ARB2A: variants seen among roughly 807,000 people sequenced by gnomAD.
ARB2A encodes the protein cotranscriptional regulator ARB2A.
chr5:93,841,939 T>C, the ARB2A span, among the ~76,000 whole-genome samples: 7 of 152,202 alleles, frequency 4.6e-5, no homozygotes, highest in South Asian at 4.1e-4. Context: ...TTTCCTTCAA[T>C]AGCTTCTGAC....
the ARB2A span, among the ~76,000 whole-genome samples, chr5:93,945,652 A>C: frequency 2.0e-5 from 3 of 152,128 alleles, no homozygotes; most frequent in South Asian, 6.2e-4. Context: ...AAAAATAAGA[A>C]AGAATGGATA....
chr5:93,815,557 T>C, the ARB2A span, among the ~76,000 whole-genome samples: 3 of 152,208 alleles, frequency 2.0e-5, no homozygotes, highest in South Asian at 2.1e-4. Context: ...CCTTGATTTG[T>C]TCACAATCCT....
the ARB2A span, among the ~76,000 whole-genome samples, chr5:94,003,357 AATAAG>A: frequency 6.6e-6 from 1 of 152,216 alleles, no homozygotes; most frequent in African/African-American, 2.4e-5. Context: ...TAGCCAGTAA[AATAAG>A]ATAACAAAAG....
the ARB2A span, among the ~76,000 whole-genome samples, chr5:93,707,750 T>C: frequency 2.0e-5 from 3 of 151,976 alleles, no homozygotes; most frequent in Non-Finnish European, 4.4e-5. Flanking sequence ...AATTTTTGTA[T>C]GTTTAGTAGA....
the ARB2A span, among the ~76,000 whole-genome samples, chr5:93,840,614 TTA>T: frequency 6.6e-6 from 1 of 152,102 alleles, no homozygotes; most frequent in African/African-American, 2.4e-5. Flanking sequence ...ATTCATAAAC[TTA>T]TCTCTACTTC....
the ARB2A span, among the ~76,000 whole-genome samples, chr5:93,986,695 C>T: frequency 2.7e-4 from 41 of 152,190 alleles, no homozygotes; most frequent in Admixed American, 2.3e-3. Context: ...CCTTGGGATG[C>T]TGTTAATCTA....
chr5:93,665,433 T>C, the ARB2A span, among the ~76,000 whole-genome samples: 1 of 152,162 alleles, frequency 6.6e-6, no homozygotes, highest in Non-Finnish European at 1.5e-5. Context: ...GTCACTAAGA[T>C]AGTACCCAGG....
At chr5:93,884,736 T>C in the ARB2A span, among the ~76,000 whole-genome samples, 5 of 151,594 alleles carry the variant, frequency 3.3e-5, no homozygotes, top group African/African-American at 1.2e-4. Context: ...TGTTGCAAAT[T>C]CAATTACTGT....
chr5:93,721,907 T>C, the ARB2A span, among the ~76,000 whole-genome samples: 3 of 152,190 alleles, frequency 2.0e-5, no homozygotes. Context: ...CAATAGAGCA[T>C]TGTTTCCCTA....
chr5:93,620,685 C>A, the ARB2A span: 1 of 263,340 alleles, frequency 3.8e-6, no homozygotes, highest in Non-Finnish European at 7.1e-6. Flanking sequence ...CGGTCTCCTT[C>A]AGGGCAATTA....
At chr5:93,799,115 A>G in the ARB2A span, among the ~76,000 whole-genome samples, 1 of 152,164 alleles carries the variant, frequency 6.6e-6, no homozygotes, top group Non-Finnish European at 1.5e-5. Context: ...TACAACAAAC[A>G]TCCCAGCTGA....
At chr5:93,902,101 A>G in the ARB2A span, among the ~76,000 whole-genome samples, 1 of 152,110 alleles carries the variant, frequency 6.6e-6, no homozygotes, top group Non-Finnish European at 1.5e-5. Flanking sequence ...AGTCATGTAT[A>G]TATTATCATA....
the ARB2A span, among the ~76,000 whole-genome samples, chr5:93,748,749 AAAAAT>A: frequency 1.3e-5 from 2 of 152,210 alleles, no homozygotes; most frequent in South Asian, 4.1e-4. Context: ...ATTGCCAGCT[AAAAAT>A]AAAAAAGAAA....
chr5:94,089,835 A>G, the ARB2A span, among the ~76,000 whole-genome samples: 1 of 152,228 alleles, frequency 6.6e-6, no homozygotes. Context: ...ATACTATACA[A>G]TAGATGCCAG....
At chr5:93,818,592 G>T in the ARB2A span, among the ~76,000 whole-genome samples, 1 of 152,088 alleles carries the variant, frequency 6.6e-6, no homozygotes, top group African/African-American at 2.4e-5. Flanking sequence ...TTCATAGACT[G>T]CCATATAACA....
chr5:93,862,484 A>T, the ARB2A span: 1 of 152,254 alleles, frequency 6.6e-6, no homozygotes, highest in Non-Finnish European at 1.5e-5. Flanking sequence ...ATTAAATATA[A>T]GCCTTTCTTT....
At chr5:93,620,063 A>C in the ARB2A span, 9 of 152,240 alleles carry the variant, frequency 5.9e-5, no homozygotes, top group Admixed American at 4.6e-4. Flanking sequence ...CTTTCTCCAC[A>C]GAGAGATTTA....
the ARB2A span, among the ~76,000 whole-genome samples, chr5:94,095,914 T>A: frequency 6.6e-6 from 1 of 152,096 alleles, no homozygotes; most frequent in African/African-American, 2.4e-5. Flanking sequence ...CCGCTCTCCA[T>A]CTCTTCTGAG....
the ARB2A span, among the ~76,000 whole-genome samples, chr5:93,723,592 G>A: frequency 6.6e-6 from 1 of 151,966 alleles, no homozygotes; most frequent in Admixed American, 6.6e-5. Context: ...ACTTTAGAAT[G>A]GTTTAAAACA....
Sources: allele counts gnomAD v4.1 joint callset (sites outside exome capture counted in the v4.1 genomes callset), GRCh38; gene constraint gnomAD v4.1.1; transcripts MANE v1.5; gene names NCBI Gene and HGNC (gene_info 2026-07-23, HGNC 2026-07-21).